The following ADAMTS2 variants were observed in gnomAD, a reference collection of about 807,000 sequenced individuals.
ADAMTS2 encodes A disintegrin and metalloproteinase with thrombospondin motifs 2.
Under a neutral mutation model 123.0 loss-of-function variants are expected in ADAMTS2, and 50 were observed. The ratio of observed to expected loss-of-function variants is 0.41; its 90% CI spans 0.32 to 0.51. The LOEUF is 0.51. ADAMTS2 is among the 20% of genes least tolerant of loss of function. The pLI is 0.35. For synonymous variants in ADAMTS2, 678 were observed against 695.4 expected, an observed-to-expected ratio of 0.98 and a Z score of 0.39; for missense variants, 1,494 against 1,705.2, an observed-to-expected ratio of 0.88 and a Z score of 2.18.
intron 2 of ADAMTS2, among the ~76,000 whole-genome samples, chr5:179,319,053 C>T (rs1012959057): frequency 6.6e-6 from 1 of 152,232 alleles, no homozygotes; most frequent in Non-Finnish European, 1.5e-5. Context: ...ATTCCCTCAA[C>T]ACACAGGCCC....
chr5:179,314,952 G>C lies in ADAMTS2; in HGVS notation c.534+28815C>G, dbSNP rs755600227. Among the ~76,000 whole-genome samples, 17 of 152,074 alleles carry C rather than the reference G, an allele frequency of 1.1e-4. No homozygotes were observed. The highest frequency in any genetic ancestry group is 1.9e-4 in the Non-Finnish European group (13 of 68,018). ...CTGACATTAAGCGACTCCCCTCCCA[G>C]AGCCTAATCACAGCCAGCTACGCCC... On this transcript the variant is annotated intron_variant, in intron 2 of 21. Transcript: ENST00000251582. This position sits in a 1 kb window ranked among gnomAD's most constrained non-coding sequence, Gnocchi z 4.5.
At position 179,122,643 on chromosome 5, in the gene ADAMTS2, C is replaced by G; in HGVS notation, c.3088+1G>C. Reference sequence around the variant, plus strand: ...AGGGGCAGGGGCTGCAGGTGGCTTACGGGGACAGGGGCCAAGCCTGCAGGT... The same window carrying G: ...AGGGGCAGGGGCTGCAGGTGGCTTAGGGGGACAGGGGCCAAGCCTGCAGGT... On this transcript the variant is annotated splice_donor_variant, in intron 20 of 21. Coordinates refer to ENST00000251582, the MANE Select transcript of ADAMTS2 (RefSeq NM_014244.5). LOFTEE classifies it high-confidence loss of function. The G allele has an allele frequency of 6.4e-7, 1 of 1,550,552 alleles. No individual in the cohort carries two copies. The highest frequency in any genetic ancestry group is 8.7e-7 in the Non-Finnish European group (1 of 1,147,256).
chr5:179,194,621 A>G (rs942003027), intron 4 of ADAMTS2, among the ~76,000 whole-genome samples: 6 of 152,116 alleles, frequency 3.9e-5, no homozygotes, highest in Non-Finnish European at 1.5e-5. Flanking sequence ...TTCAGGCCAG[A>G]CAGTAGGGGA....
intron 4 of ADAMTS2, among the ~76,000 whole-genome samples, chr5:179,190,262 C>T (rs1463243826): frequency 6.6e-6 from 1 of 152,050 alleles, no homozygotes; most frequent in South Asian, 2.1e-4. Context: ...CTTCTCAGGG[C>T]TGCTTCGAGC....
chr5:179,315,424 CA>C (rs1756965274), intron 2 of ADAMTS2, among the ~76,000 whole-genome samples: 1 of 152,228 alleles, frequency 6.6e-6, no homozygotes, highest in South Asian at 2.1e-4. Context: ...CATTGGGAGC[CA>C]GGATCCCAGG....
rs73329725 is a variant in ADAMTS2, at chr5:179,197,750, G to A, written c.891+9763C>T. Among the ~76,000 whole-genome samples the A allele has an allele frequency of 2.0e-5, 3 of 152,086 alleles. No individual in the cohort carries two copies. Among genetic ancestry groups the A allele is most frequent in the Non-Finnish European group, 4.4e-5 (3 of 68,022 alleles). Reference sequence around the variant, plus strand: ...TATATAAACATATTACTTCCACAACGGCTCTGATCTTCCAAGGCATTCATC... The same window carrying A: ...TATATAAACATATTACTTCCACAACAGCTCTGATCTTCCAAGGCATTCATC... On this transcript the variant is annotated intron_variant, in intron 4 of 21. Coordinates refer to ENST00000251582, the MANE Select transcript of ADAMTS2 (RefSeq NM_014244.5). The surrounding 1 kb of genome is among the most constrained non-coding windows in gnomAD (Gnocchi z 4.2).
chr5:179,127,330 C>T (rs1163077477), intron 17 of ADAMTS2, among the ~76,000 whole-genome samples: 1 of 152,266 alleles, frequency 6.6e-6, no homozygotes, highest in African/African-American at 2.4e-5. Context: ...AGGGAGTGAC[C>T]CCACCTCTTG....
chr5:179,133,133 G>A (rs1581143550), intron 13 of ADAMTS2, among the ~76,000 whole-genome samples: 1 of 152,142 alleles, frequency 6.6e-6, no homozygotes, highest in Admixed American at 6.5e-5. Context: ...ACCTACAGCA[G>A]TGTCTCGACC....
rs942585263 is a variant in ADAMTS2 at position 179,262,446 on chromosome 5, T to C, written c.688+10465A>G. Among the ~76,000 whole-genome samples the C allele has an allele frequency of 6.6e-6, 1 of 151,542 alleles. No individual in the cohort carries two copies. The highest frequency in any genetic ancestry group is 2.4e-5 in the African/African-American group (1 of 41,144). On this transcript the variant is annotated intron_variant, in intron 3 of 21. Transcript: ENST00000251582. This position sits in a 1 kb window ranked among gnomAD's most constrained non-coding sequence, Gnocchi z 5.9. ...CCAAAGGCCTCCACCGCACAGGGAATGAATTCTCACCCCGTACCGTGACCG... is the reference window on the plus strand; with the variant it reads ...CCAAAGGCCTCCACCGCACAGGGAACGAATTCTCACCCCGTACCGTGACCG...
chr5:179,129,985 C>T lies in ADAMTS2; in HGVS notation c.2404G>A (p.Gly802Ser), dbSNP rs537171944. 40 of 1,613,998 alleles carry T rather than the reference C, an allele frequency of 2.5e-5. No individual in the cohort carries two copies. Among genetic ancestry groups the T allele is most frequent in the Admixed American group, 6.7e-5 (4 of 60,012 alleles). Residue 802 changes from glycine (G) to serine (S), a missense_variant, in exon 16 of 22, where the codon GGC (glycine) becomes AGC (serine). By Grantham distance (56) the Gly-to-Ser change is moderately conservative (BLOSUM62 0). Around this residue, in one of 6 missense-constraint regions of ADAMTS2, gnomAD observed 953 missense variants for 1,124.7 expected, o/e 0.85. Transcript: ENST00000251582. This position sits in a 1 kb window ranked among gnomAD's most constrained non-coding sequence, Gnocchi z 4.1. ...GVEWEYRDED[G>S]RETLQTMGPL... Reference sequence around the variant, plus strand: ...CCCATGGTCTGCAGCGTCTCCCGGCCGTCCTCGTCTCTGTACTCCCACTCC... The same window carrying T: ...CCCATGGTCTGCAGCGTCTCCCGGCTGTCCTCGTCTCTGTACTCCCACTCC...
chr5:179,124,231 C>T (rs968904171), intron 19 of ADAMTS2, among the ~76,000 whole-genome samples: 5 of 152,190 alleles, frequency 3.3e-5, no homozygotes, highest in South Asian at 2.1e-4. Flanking sequence ...CCCTGACACA[C>T]GCTCCTCCAG....
At chr5:179,163,617 C>T (rs2113276063) in intron 5 of ADAMTS2, among the ~76,000 whole-genome samples, 1 of 152,330 alleles carries the variant, frequency 6.6e-6, no homozygotes. Flanking sequence ...GTCCTGCAGA[C>T]TGGATCCACT....
At chr5:179,340,845 T>C (rs1403313292) in intron 2 of ADAMTS2, among the ~76,000 whole-genome samples, 1 of 152,180 alleles carries the variant, frequency 6.6e-6, no homozygotes, top group East Asian at 1.9e-4. Context: ...TTAATGGGCA[T>C]GTAAAAACCA....
chr5:179,136,934 C>T (rs755727323), intron 12 of ADAMTS2, among the ~76,000 whole-genome samples: 1 of 151,688 alleles, frequency 6.6e-6, no homozygotes, highest in Non-Finnish European at 1.5e-5. Flanking sequence ...CACGCCACTG[C>T]ACTCCAGCCT....
rs140270083 is a variant in ADAMTS2, at chr5:179,283,806, A to T, written c.535-10742T>A. ...CTCAGGAGGCTGAGGCGGGAGAATC[A>T]CTTGAACCCAGGAGGCAGAGTTACA... On this transcript the variant is annotated intron_variant, in intron 2 of 21. Transcript: ENST00000251582. Among the ~76,000 whole-genome samples, 7 of 151,392 alleles carry T rather than the reference A, an allele frequency of 4.6e-5. No individual in the cohort carries two copies. In the East Asian group the frequency reaches 1.4e-3, roughly 29 times the overall value.
chr5:179,248,687 T>C (rs1044613633), intron 3 of ADAMTS2, among the ~76,000 whole-genome samples: 2 of 151,914 alleles, frequency 1.3e-5, no homozygotes, highest in East Asian at 1.9e-4. Flanking sequence ...ACCAAGAAGA[T>C]ATAACAATTA....
chr5:179,196,579 A>G (rs1264496593), intron 4 of ADAMTS2, among the ~76,000 whole-genome samples: 1 of 152,238 alleles, frequency 6.6e-6, no homozygotes, highest in Non-Finnish European at 1.5e-5. Context: ...TTGAGCTGAT[A>G]AGGCTAGTGT....
At chr5:179,205,055 T>C (rs1413877834) in intron 4 of ADAMTS2, among the ~76,000 whole-genome samples, 1 of 152,256 alleles carries the variant, frequency 6.6e-6, no homozygotes, top group South Asian at 2.1e-4. Flanking sequence ...CATGCTTTTC[T>C]AGAAACGAAC....
intron 2 of ADAMTS2, among the ~76,000 whole-genome samples, chr5:179,315,109 C>G (rs1237506184): frequency 1.3e-5 from 2 of 150,938 alleles, no homozygotes; most frequent in East Asian, 3.9e-4. Context: ...GCAGGCCTCA[C>G]TCACTCTCTC....
Sources: gnomAD v4.1 joint callset for allele counts (sites outside exome capture counted in the v4.1 genomes callset) on GRCh38, gnomAD v4.1.1 for gene constraint, gnomAD v4.1.1 regional missense constraint, Gnocchi (gnomAD v3.1) non-coding constraint, MANE v1.5 for transcripts, NCBI Gene and HGNC (gene_info 2026-07-23, HGNC 2026-07-21) for gene names.